SLC12A9: variants seen among roughly 807,000 people sequenced by gnomAD.
SLC12A9 encodes the protein solute carrier family 12 member 9.
In SLC12A9, 55 loss-of-function variants were observed where a neutral mutation model predicts 66.0. That is an observed-to-expected ratio of 0.83 (90% CI 0.67 to 1.04). SLC12A9 has a LOEUF of 1.04. Among genes scored for constraint, SLC12A9 ranks in the 50% least tolerant of loss-of-function variants. The pLI is 0.00. For synonymous variants in SLC12A9, 577 were observed against 569.0 expected, an observed-to-expected ratio of 1.01 and a Z score of -0.20; for missense variants, 1,061 against 1,241.9, an observed-to-expected ratio of 0.85 and a Z score of 2.19.
chr7:100,859,103 G>A lies in SLC12A9; in HGVS notation c.919G>A (p.Ala307Thr), dbSNP rs142969838. 1.7e-5 allele frequency: 28 copies of A among 1,613,844 alleles called. No individual in the cohort carries two copies. Among genetic ancestry groups the A allele is most frequent in the African/African-American group, 1.3e-4 (10 of 74,888 alleles). The change falls in exon 7 of 14, where the codon GCC becomes ACC. Residue 307 changes from alanine (A) to threonine (T), a missense_variant. Ala to Thr is a moderately conservative substitution (Grantham distance 58). Transcript: ENST00000354161. ...CCCTCTGGGCACGATCGTCGCCGTCGCCTACACCTTCTTCGTCTATGTCCT... is the reference window on the plus strand; with the variant it reads ...CCCTCTGGGCACGATCGTCGCCGTCACCTACACCTTCTTCGTCTATGTCCT... ...AIPLGTIVAV[A>T]YTFFVYVLLF...
intron 1 of SLC12A9, among the ~76,000 whole-genome samples, chr7:100,847,678 G>A (rs965637048): frequency 3.3e-5 from 5 of 151,994 alleles, no homozygotes; most frequent in Non-Finnish European, 7.4e-5. Context: ...AGAGTATTCC[G>A]GTGTAACCCC....
Position 100,866,931 on chromosome 7 carries a change from C to A in SLC12A9, c.*326C>A, listed in dbSNP as rs953743070. The A allele has an allele frequency of 4.3e-5, 14 of 328,420 alleles. No homozygotes were observed. The East Asian group carries it at 6.5e-4, about 15-fold the overall frequency. 20.3% of individuals were successfully genotyped at this position (328,420 alleles called of 1,614,324 possible). On this transcript the variant is annotated 3_prime_UTR_variant, in exon 14 of 14. Coordinates refer to ENST00000354161, the MANE Select transcript of SLC12A9 (RefSeq NM_020246.4). The surrounding 1 kb of genome is among the most constrained non-coding windows in gnomAD (Gnocchi z 7.3). ...GTTTCCCCATTTTGGCCAGACTCAC[C>A]GGCCCACTGGGGTGGTGATGTTTTC...
intron 9 of SLC12A9, 147 bp downstream of exon 9, chr7:100,860,379 C>T (rs1814673288): frequency 3.8e-6 from 3 of 797,372 alleles, no homozygotes; most frequent in Non-Finnish European, 5.9e-6. Flanking sequence ...TTCACTGGCA[C>T]TTTGTGGGGT....
In SLC12A9 at chr7:100,826,966, C is replaced by CCG; in HGVS notation, n.147_148insCG. On this transcript the variant is annotated non_coding_transcript_exon_variant, in exon 1 of 2. Coordinates refer to the SLC12A9 transcript ENST00000461016. Reference sequence around the variant, plus strand: ...GAGTGACGGGGTGCGCCCCCCCCCGCAAGGAAACTCACCTTCCAAAGCTGC... The same window carrying CCG: ...GAGTGACGGGGTGCGCCCCCCCCCGCCGAAGGAAACTCACCTTCCAAAGCTGC... The CCG allele has an allele frequency of 4.1e-6, 6 of 1,475,376 alleles. No individual in the cohort carries two copies. In the East Asian group the frequency reaches 1.2e-4, roughly 30 times the overall value. The allele number at this position is 1,475,376 out of a possible 1,614,324, so 91.4% of individuals were successfully genotyped here.
upstream of SLC12A9, among the ~76,000 whole-genome samples, chr7:100,850,482 C>T (rs1435321485): frequency 6.6e-6 from 1 of 151,634 alleles, no homozygotes; most frequent in African/African-American, 2.4e-5. Context: ...TCAAATGACC[C>T]TTCTGCCTCA....
chr7:100,826,880 AG>A (rs1813413249), exon 1 of SLC12A9: 6 of 1,240,860 alleles, frequency 4.8e-6, no homozygotes, highest in Non-Finnish European at 6.5e-6. Flanking sequence ...GTGCCCGGGT[AG>A]GGGTAGTCAG....
chr7:100,851,315 C>T (rs908601402), upstream of SLC12A9, among the ~76,000 whole-genome samples: 3 of 152,036 alleles, frequency 2.0e-5, no homozygotes, highest in African/African-American at 7.2e-5. Flanking sequence ...CAAGGCAAAA[C>T]CACAGACTAA....
intron 1 of SLC12A9, among the ~76,000 whole-genome samples, chr7:100,839,395 T>C (rs557839753): frequency 1.1e-4 from 16 of 152,276 alleles, no homozygotes; most frequent in African/African-American, 3.9e-4. Context: ...CTGATGCCCC[T>C]GGCCGAATAA....
chr7:100,856,977 C>T lies in SLC12A9; in HGVS notation c.558C>T (p.Ala186=), dbSNP rs141354939. 1.7e-5 allele frequency: 27 copies of T among 1,613,854 alleles called. No homozygotes were observed. The African/African-American group carries it at 2.0e-4, about 12-fold the overall frequency. ...TGGGTGGGGTCTGCACCCTGGGAGC[C>T]GGCCTCTATGCCCGGGCCTCATTCC... The part of the protein sequence containing the change: ...GLVGGVCTLG[A]GLYARASFLT... Residue 186 remains alanine, a synonymous_variant, in exon 5 of 14, where the codon GCC becomes GCT. Transcript: ENST00000354161.
intron 1 of SLC12A9, among the ~76,000 whole-genome samples, chr7:100,846,699 T>C (rs772483809): frequency 3.9e-5 from 6 of 152,178 alleles, no homozygotes; most frequent in African/African-American, 4.8e-5. Flanking sequence ...ACTTCCACTA[T>C]TGAGTGAGTC....
chr7:100,863,342 A>G (rs902912905), intron 13 of SLC12A9, among the ~76,000 whole-genome samples: 13 of 151,586 alleles, frequency 8.6e-5, no homozygotes, highest in African/African-American at 2.7e-4. Flanking sequence ...CTGGGATTAC[A>G]GGCATGTACC....
rs1321129927 is a variant in SLC12A9, at chr7:100,866,839, GCAGCCTCC to G, written c.*236_*243del. On this transcript the variant is annotated 3_prime_UTR_variant, in exon 14 of 14. Transcript: ENST00000354161. The surrounding 1 kb of genome is among the most constrained non-coding windows in gnomAD (Gnocchi z 7.3). ...CCCCACCGTGCAGGGGAGGGAGTCCGCAGCCTCCCTTCACTGGTGCCTTGATGCTAGGG... is the reference window on the plus strand; with the variant it reads ...CCCCACCGTGCAGGGGAGGGAGTCCGCTTCACTGGTGCCTTGATGCTAGGG... 9.2e-6 allele frequency: 4 copies of G among 436,756 alleles called. No individual in the cohort carries two copies. The highest frequency in any genetic ancestry group is 4.1e-5 in the Admixed American group (1 of 24,398). The allele number at this position is 436,756 out of a possible 1,614,324, so 27.1% of individuals were successfully genotyped here. A position where few individuals can be genotyped will look rare whatever the true frequency, so the allele number is the denominator to read the frequency against.
rs750899871 is a variant in SLC12A9 at position 100,860,008 on chromosome 7, C to T, written c.1101C>T (p.Arg367=). 13 of 1,613,832 alleles carry T rather than the reference C, an allele frequency of 8.1e-6. No homozygotes were observed. In the South Asian group the frequency reaches 1.3e-4, roughly 16 times the overall value. ...TGAGCTCGCTCATTGGTGCCTCCCG[C>T]ATCCTCCATGCCCTGGCCCGGGATG... ...ASMSSLIGAS[R]ILHALARDDL... is the part of the protein sequence containing the mutation. Residue 367 remains arginine, a synonymous_variant, in exon 8 of 14, where the codon CGC becomes CGT. Transcript: ENST00000354161.
upstream of SLC12A9, among the ~76,000 whole-genome samples, chr7:100,852,214 G>A (rs1193573747): frequency 1.3e-5 from 2 of 152,228 alleles, no homozygotes; most frequent in African/African-American, 4.8e-5. Flanking sequence ...CCCTCCGGTG[G>A]CGGAAGCGAA....
Position 100,861,497 on chromosome 7 carries a change from C to T in SLC12A9, c.1449C>T (p.Leu483=). ...CTGGCGCGGCTGGTGGCTCCCTGCT[C>T]CTCATGGGTCTGCTGGCTGCCCTGC... The part of the protein sequence containing the change: ...ISPGAAGGSL[L]LMGLLAALLT... The change falls in exon 11 of 14, where the codon CTC becomes CTT. Residue 483 remains leucine, a synonymous_variant. Coordinates refer to ENST00000354161, the MANE Select transcript of SLC12A9 (RefSeq NM_020246.4). The surrounding 1 kb of genome is among the most constrained non-coding windows in gnomAD (Gnocchi z 5.3). The T allele has an allele frequency of 6.2e-7, 1 of 1,613,886 alleles. No homozygotes were observed. Among genetic ancestry groups the T allele is most frequent in the Non-Finnish European group, 8.5e-7 (1 of 1,180,028 alleles).
chr7:100,858,886 T>G lies in SLC12A9; in HGVS notation c.809T>G (p.Val270Gly). ...GGAGCCGTGATGAATTTTGCCAGCG[T>G]CTTTGCTGTCCTCTTTAACGGCTGT... ...TTGAVMNFAS[V>G]FAVLFNGCTG... Residue 270 changes from valine (V) to glycine (G), a missense_variant, in exon 6 of 14, where the codon GTC becomes GGC. By Grantham distance (109) the Val-to-Gly change is moderately radical (BLOSUM62 -3). Transcript: ENST00000354161. The G allele has an allele frequency of 3.1e-6, 5 of 1,614,162 alleles. No individual in the cohort carries two copies. The highest frequency in any genetic ancestry group is 4.2e-6 in the Non-Finnish European group (5 of 1,180,016).
At chr7:100,864,263 T>C (rs1462208593) in intron 13 of SLC12A9, among the ~76,000 whole-genome samples, 1 of 152,036 alleles carries the variant, frequency 6.6e-6, no homozygotes, top group Non-Finnish European at 1.5e-5. Flanking sequence ...ATATTTTTGG[T>C]AGAGACGGGG....
chr7:100,850,253 TTC>T (rs1438493568), upstream of SLC12A9, among the ~76,000 whole-genome samples: 3 of 109,056 alleles, frequency 2.8e-5, no homozygotes, highest in Non-Finnish European at 5.8e-5. Context: ...TTCCTTTTCT[TTC>T]TTTCTTTTTT....
chr7:100,832,199 A>G (rs911476990), intron 1 of SLC12A9, among the ~76,000 whole-genome samples: 4 of 148,528 alleles, frequency 2.7e-5, no homozygotes, highest in African/African-American at 1.0e-4. Context: ...ACTCCGTCCC[A>G]CTCCCACCAA....
Sources: gnomAD v4.1 joint callset for allele counts (sites outside exome capture counted in the v4.1 genomes callset) on GRCh38, gnomAD v4.1.1 for gene constraint, Gnocchi (gnomAD v3.1) non-coding constraint, MANE v1.5 for transcripts, NCBI Gene and HGNC (gene_info 2026-07-23, HGNC 2026-07-21) for gene names.